The following ACTR3C variants were observed in gnomAD, a reference collection of about 807,000 sequenced individuals.
The protein encoded by ACTR3C is actin related protein 3C.
A neutral mutation model predicts 26.3 loss-of-function variants in ACTR3C; 18 were observed. That is an observed-to-expected ratio of 0.68 (90% CI 0.47 to 1.01). The LOEUF (loss-of-function observed/expected upper bound fraction) is 1.01. ACTR3C is among the 50% of genes least tolerant of loss of function. The pLI is 0.00. For missense variants in ACTR3C, 184 were observed against 250.7 expected, an observed-to-expected ratio of 0.73 and a Z score of 1.80; for synonymous variants, 55 against 94.5, an observed-to-expected ratio of 0.58 and a Z score of 2.42.
At chr7:150,033,397 G>C in the ACTR3C span, among the ~76,000 whole-genome samples, 1 of 152,196 alleles carries the variant, frequency 6.6e-6, no homozygotes, top group African/African-American at 2.4e-5. Context: ...ATCAGCTCCT[G>C]ACATGATTCT....
At chr7:149,963,865 G>A in the ACTR3C span, among the ~76,000 whole-genome samples, 1 of 152,188 alleles carries the variant, frequency 6.6e-6, no homozygotes, top group Non-Finnish European at 1.5e-5. Context: ...ACACATTCCT[G>A]TCCCAGAGCT....
At chr7:150,250,478 C>T (rs1449418318) in intron 6 of ACTR3C, among the ~76,000 whole-genome samples, 4 of 151,946 alleles carry the variant, frequency 2.6e-5, no homozygotes, top group African/African-American at 9.7e-5. Context: ...GCTGGGATTA[C>T]AGGCTTGAGC....
At chr7:150,298,013 T>G (rs911415599) in intron 1 of ACTR3C, among the ~76,000 whole-genome samples, 2 of 151,444 alleles carry the variant, frequency 1.3e-5, no homozygotes, top group African/African-American at 4.9e-5. Context: ...AATCAAAAGA[T>G]ATTATTTAAA....
the ACTR3C span, among the ~76,000 whole-genome samples, chr7:150,047,458 G>A: frequency 1.3e-5 from 2 of 152,036 alleles, no homozygotes; most frequent in South Asian, 4.2e-4. Flanking sequence ...GCGATCTGGC[G>A]CCACGGAGCC....
the ACTR3C span, among the ~76,000 whole-genome samples, chr7:150,072,601 G>A: frequency 6.8e-6 from 1 of 147,542 alleles, no homozygotes; most frequent in Non-Finnish European, 1.5e-5. Flanking sequence ...GCACCGGCCG[G>A]TGATGACAAA....
At chr7:150,140,052 A>G in the ACTR3C span, among the ~76,000 whole-genome samples, 3 of 152,000 alleles carry the variant, frequency 2.0e-5, no homozygotes, top group African/African-American at 4.8e-5. Flanking sequence ...TCGCACACAC[A>G]TGCACACACA....
At chr7:150,059,761 A>G in the ACTR3C span, among the ~76,000 whole-genome samples, 1 of 152,246 alleles carries the variant, frequency 6.6e-6, no homozygotes, top group Non-Finnish European at 1.5e-5. Context: ...AGCTGGCATC[A>G]TAAGAGCCAG....
chr7:149,954,879 C>A, the ACTR3C span, among the ~76,000 whole-genome samples: 1 of 152,214 alleles, frequency 6.6e-6, no homozygotes, highest in African/African-American at 2.4e-5. Flanking sequence ...CCTTCAACAT[C>A]TCCATCCGGG....
chr7:150,299,129 C>G (rs193098881), intron 1 of ACTR3C, among the ~76,000 whole-genome samples: 68 of 151,846 alleles, frequency 4.5e-4, no homozygotes, highest in Middle Eastern at 6.8e-3. Flanking sequence ...ATTACAGGCA[C>G]ATGCCGTCAC....
chr7:150,208,880 A>G, the ACTR3C span, among the ~76,000 whole-genome samples: 1 of 152,150 alleles, frequency 6.6e-6, no homozygotes, highest in East Asian at 1.9e-4. Context: ...GGTGGACATT[A>G]AAACAATTAT....
intron 1 of ACTR3C, among the ~76,000 whole-genome samples, chr7:150,317,202 G>A (rs1347591111): frequency 6.6e-6 from 1 of 151,758 alleles, no homozygotes; most frequent in Non-Finnish European, 1.5e-5. Flanking sequence ...CAGGCGTGCA[G>A]CATGCCCGGC....
chr7:150,293,005 A>G (rs1359028603), intron 3 of ACTR3C, among the ~76,000 whole-genome samples: 1 of 152,194 alleles, frequency 6.6e-6, no homozygotes, highest in Non-Finnish European at 1.5e-5. Context: ...GATCAAGCAG[A>G]GGCTCTGAAG....
At chr7:149,930,614 C>G in the ACTR3C span, among the ~76,000 whole-genome samples, 3,660 of 152,214 alleles carry the variant, frequency 0.024, 136 homozygotes, top group African/African-American at 0.082. Context: ...TGTTAATCAT[C>G]TGACAGGTCA....
At chr7:149,976,817 T>C in the ACTR3C span, among the ~76,000 whole-genome samples, 5 of 152,114 alleles carry the variant, frequency 3.3e-5, no homozygotes, top group African/African-American at 1.2e-4. Context: ...TGTGAGGTGC[T>C]ATGGAAGTAA....
chr7:150,210,607 G>A, the ACTR3C span, among the ~76,000 whole-genome samples: 1 of 147,914 alleles, frequency 6.8e-6, no homozygotes, highest in Non-Finnish European at 1.5e-5. Context: ...TATACTTAGT[G>A]AAAGTTGTCA....
At chr7:149,960,895 T>C in the ACTR3C span, among the ~76,000 whole-genome samples, 2 of 152,338 alleles carry the variant, frequency 1.3e-5, no homozygotes, top group East Asian at 3.9e-4. Context: ...AAGTGTGGAC[T>C]TAGAGAAAGT....
At chr7:149,924,043 G>C in the ACTR3C span, among the ~76,000 whole-genome samples, 1 of 150,490 alleles carries the variant, frequency 6.6e-6, no homozygotes, top group Admixed American at 6.7e-5. Flanking sequence ...AATTAATAAG[G>C]TAGTTCATAT....
intron 1 of ACTR3C, among the ~76,000 whole-genome samples, chr7:150,296,351 A>C (rs1456360202): frequency 6.9e-6 from 1 of 145,396 alleles, no homozygotes; most frequent in Non-Finnish European, 1.5e-5. Context: ...TGTCTCCAAA[A>C]GACCGAAAAA....
At chr7:149,994,959 A>T in the ACTR3C span, among the ~76,000 whole-genome samples, 1 of 147,648 alleles carries the variant, frequency 6.8e-6, no homozygotes, top group Non-Finnish European at 1.5e-5. Flanking sequence ...GGTTCAAGTG[A>T]TTCTCTCACC....
Sources: gnomAD v4.1 joint callset for allele counts (sites outside exome capture counted in the v4.1 genomes callset) on GRCh38, gnomAD v4.1.1 for gene constraint, MANE v1.5 for transcripts, NCBI Gene and HGNC (gene_info 2026-07-23, HGNC 2026-07-21) for gene names.